UMAD1: variants seen among roughly 807,000 people sequenced by gnomAD.
The protein encoded by UMAD1 is UBAP1-MVB12-associated (UMA) domain containing 1, also known as UBAP1-MVB12-associated (UMA)-domain containing protein 1.
In UMAD1, 8 loss-of-function variants were observed where a neutral mutation model predicts 6.1. The ratio of observed to expected loss-of-function variants is 1.30; its 90% CI spans 0.76 to 2.35. The LOEUF is 2.35. Ranked by LOEUF, UMAD1 falls within the 30% of genes most tolerant of loss-of-function variation. UMAD1 has a pLI of 0.00. For synonymous variants in UMAD1, 56 were observed against 31.4 expected (o/e 1.78, Z -2.61); for missense variants, 130 against 78.4 (o/e 1.66, Z -2.49).
intron 1 of UMAD1, among the ~76,000 whole-genome samples, chr7:7,656,877 G>C (rs1158847623): frequency 3.3e-5 from 5 of 152,176 alleles, no homozygotes; most frequent in African/African-American, 9.7e-5. Flanking sequence ...CTAGATCCTT[G>C]AGGAATCACC....
intron 3 of UMAD1, among the ~76,000 whole-genome samples, chr7:7,812,637 A>G (rs1783042171): frequency 7.1e-6 from 1 of 140,936 alleles, no homozygotes; most frequent in African/African-American, 2.8e-5. Flanking sequence ...TTCAATTGAG[A>G]TATTATTATT....
chr7:7,756,734 C>G (rs1781786289), intron 2 of UMAD1, among the ~76,000 whole-genome samples: 1 of 152,200 alleles, frequency 6.6e-6, no homozygotes, highest in South Asian at 2.1e-4. Context: ...TGCAAGTAAT[C>G]TTTGCCTCCC....
chr7:7,752,096 A>AT (rs1332521674), intron 2 of UMAD1, among the ~76,000 whole-genome samples: 1 of 152,204 alleles, frequency 6.6e-6, no homozygotes, highest in Non-Finnish European at 1.5e-5. Flanking sequence ...TTTTGCACTT[A>AT]TTTTTTAAAG....
intron 2 of UMAD1, among the ~76,000 whole-genome samples, chr7:7,785,341 G>T (rs1458749714): frequency 1.3e-5 from 2 of 152,196 alleles, no homozygotes; most frequent in African/African-American, 4.8e-5. Flanking sequence ...GAATGTTCAA[G>T]ACACACAGAG....
At chr7:7,702,530 A>C (rs528145927) in intron 2 of UMAD1, among the ~76,000 whole-genome samples, 31 of 152,134 alleles carry the variant, frequency 2.0e-4, no homozygotes, top group Non-Finnish European at 4.4e-4. Flanking sequence ...AATACTTGAA[A>C]TAGCTATTTT....
At chr7:7,689,649 C>G (rs1363035280) in intron 2 of UMAD1, among the ~76,000 whole-genome samples, 1 of 152,126 alleles carries the variant, frequency 6.6e-6, no homozygotes, top group Non-Finnish European at 1.5e-5. Flanking sequence ...ATATGTATAT[C>G]TCAGTAAAGC....
At chr7:7,693,473 A>C (rs550424461) in intron 2 of UMAD1, among the ~76,000 whole-genome samples, 32 of 152,204 alleles carry the variant, frequency 2.1e-4, no homozygotes, top group African/African-American at 7.0e-4. Context: ...AAGTTAACCA[A>C]ATTTTTATTT....
intron 3 of UMAD1, among the ~76,000 whole-genome samples, chr7:7,832,796 T>C (rs1783490598): frequency 6.6e-6 from 1 of 152,186 alleles, no homozygotes; most frequent in Non-Finnish European, 1.5e-5. Flanking sequence ...CTGCAAGCTG[T>C]AGTAAGTATT....
chr7:7,670,093 G>T (rs1035683579), intron 1 of UMAD1, among the ~76,000 whole-genome samples: 2 of 152,124 alleles, frequency 1.3e-5, no homozygotes, highest in Non-Finnish European at 2.9e-5. Flanking sequence ...TTAATTACTT[G>T]TTATAAATTC....
chr7:7,671,283 C>T (rs13227585), intron 1 of UMAD1, among the ~76,000 whole-genome samples: 26,366 of 152,132 alleles, frequency 0.17, 2,476 homozygotes, highest in Middle Eastern at 0.23. Context: ...TTTTTCACCT[C>T]TGTGCATGCC....
intron 3 of UMAD1, among the ~76,000 whole-genome samples, chr7:7,836,134 C>T (rs1439612451): frequency 1.3e-5 from 2 of 151,984 alleles, no homozygotes; most frequent in African/African-American, 4.8e-5. Flanking sequence ...AATAATTATA[C>T]CGACTTCCAT....
At chr7:7,805,189 T>C (rs1782887986) in intron 3 of UMAD1, among the ~76,000 whole-genome samples, 1 of 152,142 alleles carries the variant, frequency 6.6e-6, no homozygotes, top group Admixed American at 6.6e-5. Context: ...CAACTGCCTA[T>C]GTAACATTTC....
intron 3 of UMAD1, among the ~76,000 whole-genome samples, chr7:7,827,177 G>GTGTGTGTGTGTGTGTGTGTGTGTGTA (rs34214373): frequency 6.8e-6 from 1 of 147,180 alleles, no homozygotes; most frequent in African/African-American, 2.6e-5. Context: ...GTGTGTGTGT[G>GTGTGTGTGTGTGTGTGTGTGTGTGTA]TATCACATGA....
chr7:7,655,225 T>G (rs1446693175), intron 1 of UMAD1, among the ~76,000 whole-genome samples: 3 of 152,122 alleles, frequency 2.0e-5, no homozygotes, highest in Non-Finnish European at 4.4e-5. Context: ...CATCCAGTCG[T>G]GGGAATAAAC....
At chr7:7,800,700 G>A (rs950927392) in intron 2 of UMAD1, among the ~76,000 whole-genome samples, 1 of 152,118 alleles carries the variant, frequency 6.6e-6, no homozygotes, top group Non-Finnish European at 1.5e-5. Flanking sequence ...ATAGCCATGA[G>A]TAAACTAAAC....
chr7:7,808,515 G>A (rs1459730482), intron 3 of UMAD1, among the ~76,000 whole-genome samples: 2 of 151,866 alleles, frequency 1.3e-5, no homozygotes, highest in East Asian at 1.9e-4. Flanking sequence ...GTGTATTTTG[G>A]GAATCGAGAA....
chr7:7,829,340 A>G (rs1292555639), intron 3 of UMAD1, among the ~76,000 whole-genome samples: 1 of 152,182 alleles, frequency 6.6e-6, no homozygotes, highest in East Asian at 1.9e-4. Context: ...GGAACAGGTG[A>G]TTTCTGTTTG....
chr7:7,775,403 A>G (rs897483855), intron 2 of UMAD1, among the ~76,000 whole-genome samples: 1 of 152,134 alleles, frequency 6.6e-6, no homozygotes, highest in African/African-American at 2.4e-5. Flanking sequence ...GTGAGTTCTC[A>G]TGAGATTTGA....
chr7:7,778,986 ATTATC>A (rs1464314541), intron 2 of UMAD1, among the ~76,000 whole-genome samples: 1 of 152,172 alleles, frequency 6.6e-6, no homozygotes, highest in African/African-American at 2.4e-5. Flanking sequence ...TCAGTCTATT[ATTATC>A]TTCATCATTT....
Sources: allele counts gnomAD v4.1 joint callset (sites outside exome capture counted in the v4.1 genomes callset), GRCh38; gene constraint gnomAD v4.1.1; transcripts MANE v1.5; gene names NCBI Gene and HGNC (gene_info 2026-07-23, HGNC 2026-07-21).